Variants in GK observed in about 807,000 individuals in gnomAD.
GK encodes glycerol kinase.
Under a neutral mutation model 56.4 loss-of-function variants are expected in GK, and 9 were observed. That is an observed-to-expected ratio of 0.16 (90% CI 0.10 to 0.28). The LOEUF (loss-of-function observed/expected upper bound fraction) is 0.28. GK is among the 10% of genes least tolerant of loss of function. The pLI is 1.00. For synonymous variants in GK, 104 were observed against 144.1 expected (o/e 0.72, Z 1.99); for missense variants, 161 against 431.4 (o/e 0.37, Z 5.55).
intron 16 of GK, 150 bp downstream of exon 16, chrX:30,720,245 T>C (rs1400683230): frequency 1.5e-5 from 7 of 481,706 alleles, no homozygotes; most frequent in Admixed American, 3.1e-5. Context: ...AGCAGGGTTT[T>C]CCCCCTTTTT....
At chrX:30,653,833 C>G (rs769889256) in intron 1 of GK, among the ~76,000 whole-genome samples, 1 of 112,591 alleles carries the variant, frequency 8.9e-6, no homozygotes, top group South Asian at 3.6e-4. Flanking sequence ...GTTGAACAGT[C>G]GCAGTTTTGG....
chrX:30,664,183 TTA>T (rs1180879088), intron 1 of GK, among the ~76,000 whole-genome samples: 2 of 93,846 alleles, frequency 2.1e-5, no homozygotes, highest in Non-Finnish European at 4.1e-5. Flanking sequence ...TATATATATC[TTA>T]TATATATATA....
intron 4 of GK, among the ~76,000 whole-genome samples, chrX:30,680,472 G>GT (rs1934221879): frequency 1.8e-5 from 2 of 112,074 alleles, no homozygotes; most frequent in Non-Finnish European, 3.8e-5. Context: ...GCCATGCAGT[G>GT]TAGTGTAGAC....
intron 3 of GK, among the ~76,000 whole-genome samples, chrX:30,676,931 G>A (rs988230357): frequency 6.3e-5 from 7 of 110,676 alleles, no homozygotes; most frequent in Non-Finnish European, 1.1e-4. Flanking sequence ...TAAAATGTAG[G>A]CATGTACATG....
At chrX:30,689,741 A>G in intron 4 of GK, 3 of 256,623 alleles carry the variant, frequency 1.2e-5, no homozygotes, top group South Asian at 1.1e-4. Context: ...GTAAGATCAA[A>G]TCTCAGGTAC....
At chrX:30,674,680 AT>A (rs1249267353) in intron 3 of GK, among the ~76,000 whole-genome samples, 7 of 109,927 alleles carry the variant, frequency 6.4e-5, no homozygotes, top group African/African-American at 2.3e-4. Context: ...TTTTTAAAAA[AT>A]ATATATATAT....
intron 4 of GK, among the ~76,000 whole-genome samples, chrX:30,679,700 T>A (rs1271788460): frequency 8.9e-6 from 1 of 111,934 alleles, no homozygotes. Context: ...CTACGTGCTT[T>A]GCAGTATTAA....
At chrX:30,670,247 T>G (rs1207513157) in intron 3 of GK, among the ~76,000 whole-genome samples, 1 of 112,326 alleles carries the variant, frequency 8.9e-6, no homozygotes, top group African/African-American at 3.2e-5. Flanking sequence ...ATGTTTAGAA[T>G]GTAGAGTCCA....
chrX:30,688,929 G>A (rs113017904), intron 4 of GK, among the ~76,000 whole-genome samples: 2,360 of 112,227 alleles, frequency 0.021, 51 homozygotes, highest in African/African-American at 0.072. Context: ...GCTTTCAAAT[G>A]TATTTGTTCA....
intron 1 of GK, among the ~76,000 whole-genome samples, chrX:30,664,195 A>G (rs1212281482): frequency 2.1e-5 from 2 of 95,095 alleles, no homozygotes; most frequent in Non-Finnish European, 4.1e-5. Flanking sequence ...ATATATATAT[A>G]TAGATTTTTT....
At chrX:30,670,522 C>G (rs1455893896) in intron 3 of GK, among the ~76,000 whole-genome samples, 2 of 111,721 alleles carry the variant, frequency 1.8e-5, no homozygotes, top group Non-Finnish European at 3.8e-5. Context: ...CCCAGCACTT[C>G]CATCTGTACA....
intron 4 of GK, among the ~76,000 whole-genome samples, chrX:30,685,299 T>C (rs1430321336): frequency 2.7e-5 from 3 of 110,445 alleles, no homozygotes; most frequent in African/African-American, 9.9e-5. Flanking sequence ...TCCCGGCTAA[T>C]TTTTTTTGTA....
chrX:30,719,635 T>G lies in GK; in HGVS notation c.1151+120T>G, dbSNP rs759013920. The G allele has an allele frequency of 8.3e-6, 4 of 481,685 alleles. No homozygotes were observed. In the South Asian group the frequency reaches 1.3e-4, roughly 16 times the overall value. 39.7% of individuals were successfully genotyped at this position (481,685 alleles called of 1,213,427 possible). A position where few individuals can be genotyped will look rare whatever the true frequency, so the allele number is the denominator to read the frequency against. On this transcript the variant is annotated intron_variant, in intron 15 of 20. Coordinates refer to ENST00000427190, the MANE Select transcript of GK (RefSeq NM_001205019.2). Reference sequence around the variant, plus strand: ...TATAATGTGTTGAGAAAACCTTTTCTTTTTGGAGAATATAATTTCAGAAAC... The same window carrying G: ...TATAATGTGTTGAGAAAACCTTTTCGTTTTGGAGAATATAATTTCAGAAAC...
At chrX:30,704,206 A>T (rs1266499731) in intron 11 of GK, among the ~76,000 whole-genome samples, 1 of 102,011 alleles carries the variant, frequency 9.8e-6, no homozygotes, top group Non-Finnish European at 1.9e-5. Flanking sequence ...ATCCCAGCAT[A>T]CTGCAACCTT....
chrX:30,709,631 A>G (rs1374732990), intron 13 of GK, among the ~76,000 whole-genome samples: 1 of 111,480 alleles, frequency 9.0e-6, no homozygotes, highest in Non-Finnish European at 1.9e-5. Flanking sequence ...CCTGTACTCA[A>G]TCAATAGGAT....
At chrX:30,663,068 A>C in intron 1 of GK, among the ~76,000 whole-genome samples, 1 of 109,496 alleles carries the variant, frequency 9.1e-6, no homozygotes, top group Non-Finnish European at 1.9e-5. Flanking sequence ...TTTTTAGTAG[A>C]GACGGGGTTT....
chrX:30,689,349 C>A, intron 4 of GK: 1 of 271,587 alleles, frequency 3.7e-6, no homozygotes, highest in Non-Finnish European at 7.2e-6. Flanking sequence ...CATGGGAGAT[C>A]TTGCCACCTC....
rs62588589 is a variant in GK, at chrX:30,694,180, A to T, written c.415-220A>T. Among the ~76,000 whole-genome samples, 772 of 111,978 alleles carry T rather than the reference A, an allele frequency of 6.9e-3. 3 individuals carry two copies. The highest frequency in any genetic ancestry group is 0.018 in the Middle Eastern group (4 of 218). ...CATTTAATTTTCTCTTTACCTTGCT[A>T]CGTGGATGCCCTTTGAACTGTAAAC... On this transcript the variant is annotated intron_variant, in intron 5 of 20. Transcript: ENST00000427190.
intron 13 of GK, among the ~76,000 whole-genome samples, chrX:30,714,341 C>A (rs1936502724): frequency 8.9e-6 from 1 of 111,847 alleles, no homozygotes. Context: ...TGCTCAGAGT[C>A]TCACAGGGCT....
Sources: gnomAD v4.1 joint callset for allele counts (sites outside exome capture counted in the v4.1 genomes callset) on GRCh38, gnomAD v4.1.1 for gene constraint, MANE v1.5 for transcripts, NCBI Gene and HGNC (gene_info 2026-07-23, HGNC 2026-07-21) for gene names.